MSRB3: variants seen among roughly 807,000 people sequenced by gnomAD.
MSRB3 encodes the protein methionine sulfoxide reductase B3.
In MSRB3, 13 loss-of-function variants were observed where a neutral mutation model predicts 21.0. The observed-to-expected ratio is 0.62, with a 90% confidence interval of 0.40 to 0.98. The LOEUF (loss-of-function observed/expected upper bound fraction) is 0.98. MSRB3 is among the 50% of genes least tolerant of loss of function. MSRB3 has a pLI of 0.00. For synonymous variants in MSRB3, 87 were observed against 88.6 expected (o/e 0.98, Z 0.10); for missense variants, 199 against 230.3 (o/e 0.86, Z 0.88).
chr12:65,304,820 T>A (rs887803310), intron 1 of MSRB3, among the ~76,000 whole-genome samples: 4 of 152,178 alleles, frequency 2.6e-5, no homozygotes, highest in African/African-American at 9.6e-5. Flanking sequence ...TCAATTTAGG[T>A]GATCTGAGAG....
intron 5 of MSRB3, among the ~76,000 whole-genome samples, chr12:65,441,908 C>T (rs1388182175): frequency 1.3e-5 from 2 of 151,982 alleles, no homozygotes; most frequent in African/African-American, 4.8e-5. Flanking sequence ...AGGCAAAACA[C>T]CATTTGTCAT....
At chr12:65,379,220 A>T (rs1248499705) in intron 5 of MSRB3, among the ~76,000 whole-genome samples, 1 of 151,308 alleles carries the variant, frequency 6.6e-6, no homozygotes, top group East Asian at 1.9e-4. Flanking sequence ...CCATCCATCT[A>T]CCCATCCACC....
intron 5 of MSRB3, among the ~76,000 whole-genome samples, chr12:65,449,153 C>T (rs550725558): frequency 2.0e-5 from 3 of 151,720 alleles, no homozygotes; most frequent in East Asian, 1.9e-4. Context: ...CTCAGCCTCC[C>T]GAGTAGCTGG....
chr12:65,435,293 A>G (rs1183803816), intron 5 of MSRB3, among the ~76,000 whole-genome samples: 5 of 151,910 alleles, frequency 3.3e-5, no homozygotes, highest in East Asian at 1.9e-4. Context: ...GATCAAATCT[A>G]TATTTTAAAA....
rs147001771 is a variant in MSRB3, at chr12:65,287,582, A to G, written c.-52+8717A>G. Among the ~76,000 whole-genome samples the G allele has an allele frequency of 1.6e-3, 244 of 152,322 alleles. 3 individuals carry two copies. The highest frequency in any genetic ancestry group is 5.6e-3 in the African/African-American group (233 of 41,580). On this transcript the variant is annotated intron_variant, in intron 1 of 6. Coordinates refer to ENST00000308259, the MANE Select transcript of MSRB3 (RefSeq NM_001031679.3). ...AGGTAAGGTCATATCTTCCTGTAAC[A>G]GTCCAGATTAGATAGGGAAATGGGT...
intron 6 of MSRB3, 59 bp from the exon 7 acceptor site, chr12:65,463,096 T>C: frequency 1.2e-6 from 2 of 1,604,202 alleles, no homozygotes; most frequent in South Asian, 2.2e-5. Flanking sequence ...TTAATGTGAA[T>C]TCCTCTCAAA....
chr12:65,402,493 T>C (rs1880185483), intron 5 of MSRB3, among the ~76,000 whole-genome samples: 1 of 152,198 alleles, frequency 6.6e-6, no homozygotes, highest in Non-Finnish European at 1.5e-5. Context: ...CTAAACTGGT[T>C]ATTCTAGTTA....
intron 2 of MSRB3, among the ~76,000 whole-genome samples, chr12:65,323,306 AC>A (rs1272435991): frequency 6.6e-6 from 1 of 152,272 alleles, no homozygotes; most frequent in African/African-American, 2.4e-5. Flanking sequence ...ACAACACAGG[AC>A]AAGCTTCGCT....
At chr12:65,284,945 T>C (rs1872255580) in intron 1 of MSRB3, 1 of 152,232 alleles carries the variant, frequency 6.6e-6, no homozygotes, top group Non-Finnish European at 1.5e-5. Context: ...TTTCTTCAGA[T>C]AAAGGACTGA....
intron 1 of MSRB3, among the ~76,000 whole-genome samples, chr12:65,304,157 T>G (rs1873508550): frequency 6.6e-6 from 1 of 152,202 alleles, no homozygotes. Flanking sequence ...GAGACGAAGT[T>G]AAGCAGCCAT....
intron 5 of MSRB3, among the ~76,000 whole-genome samples, chr12:65,425,495 ACT>A (rs1414945062): frequency 6.6e-6 from 1 of 151,272 alleles, no homozygotes; most frequent in Non-Finnish European, 1.5e-5. Flanking sequence ...TTGATTTCTC[ACT>A]CTCTATCTTT....
chr12:65,418,223 G>C (rs1218589626), intron 5 of MSRB3, among the ~76,000 whole-genome samples: 1 of 152,106 alleles, frequency 6.6e-6, no homozygotes, highest in Non-Finnish European at 1.5e-5. Context: ...TCCTCCCTCA[G>C]CCTCCCAAAT....
At chr12:65,350,903 C>T (rs1205240394) in intron 4 of MSRB3, among the ~76,000 whole-genome samples, 242 of 147,598 alleles carry the variant, frequency 1.6e-3, no homozygotes, top group Non-Finnish European at 1.6e-3. Flanking sequence ...GACAGATCAA[C>T]GAGACAGAAA....
chr12:65,345,251 T>G (rs933100405), intron 4 of MSRB3, among the ~76,000 whole-genome samples: 12 of 152,070 alleles, frequency 7.9e-5, no homozygotes, highest in Non-Finnish European at 1.0e-4. Flanking sequence ...CACTGAATAT[T>G]TGTTTCATCA....
intron 1 of MSRB3, among the ~76,000 whole-genome samples, chr12:65,290,005 A>G (rs1872585623): frequency 6.6e-6 from 1 of 152,036 alleles, no homozygotes; most frequent in African/African-American, 2.4e-5. Context: ...TATTATCCAT[A>G]TGTTTTTCTA....
chr12:65,353,875 T>G (rs1426521587), intron 4 of MSRB3, among the ~76,000 whole-genome samples: 2 of 151,998 alleles, frequency 1.3e-5, no homozygotes, highest in Non-Finnish European at 2.9e-5. Context: ...GGTTGTTCCT[T>G]TTCATGTTTA....
At position 65,430,664 on chromosome 12, in the gene MSRB3, T is replaced by C. The variant is rs144411449; in HGVS notation, c.293-23064T>C. Among the ~76,000 whole-genome samples, 1,336 of 152,242 alleles carry C rather than the reference T, an allele frequency of 8.8e-3. 21 individuals are homozygous for C. The highest frequency in any genetic ancestry group is 0.03 in the African/African-American group (1,263 of 41,562). ...TTTCCTCAGGAAAAACTTGACCTCC[T>C]TCTTTCTTATTACGTTGGCATCTGT... On this transcript the variant is annotated intron_variant, in intron 5 of 6. Coordinates refer to ENST00000308259, the MANE Select transcript of MSRB3 (RefSeq NM_001031679.3).
chr12:65,436,412 GT>G (rs201872897), intron 5 of MSRB3, among the ~76,000 whole-genome samples: 1 of 151,116 alleles, frequency 6.6e-6, no homozygotes, highest in Admixed American at 6.6e-5. Flanking sequence ...TAACGCATTT[GT>G]TTTTTTTCAG....
chr12:65,367,918 T>C (rs73119455), intron 4 of MSRB3, among the ~76,000 whole-genome samples: 14 of 151,418 alleles, frequency 9.2e-5, no homozygotes, highest in South Asian at 2.1e-4. Flanking sequence ...CATATACATA[T>C]ACACACACAC....
Sources: gnomAD v4.1 joint callset for allele counts (sites outside exome capture counted in the v4.1 genomes callset) on GRCh38, gnomAD v4.1.1 for gene constraint, MANE v1.5 for transcripts, NCBI Gene and HGNC (gene_info 2026-07-23, HGNC 2026-07-21) for gene names.